The following STAG1 variants were observed in gnomAD, a reference collection of about 807,000 sequenced individuals.
STAG1 encodes the protein cohesin subunit SA-1.
Under a neutral mutation model 170.9 loss-of-function variants are expected in STAG1, and 26 were observed. That is an observed-to-expected ratio of 0.15 (90% confidence interval 0.11 to 0.21). The LOEUF is 0.21. Among genes scored for constraint, STAG1 ranks in the 10% least tolerant of loss-of-function variants. The probability of loss-of-function intolerance (pLI) is 1.00; values close to 1 mark genes in which losing one functional copy is unlikely to be tolerated. For synonymous variants in STAG1, 514 were observed against 497.7 expected (o/e 1.03, Z -0.44); for missense variants, 964 against 1,509.5 (o/e 0.64, Z 5.99).
At chr3:136,478,317 TCACCA>T (rs2107823644) in intron 9 of STAG1, among the ~76,000 whole-genome samples, 1 of 152,328 alleles carries the variant, frequency 6.6e-6, no homozygotes, top group South Asian at 2.1e-4. Flanking sequence ...GCTTTTCACC[TCACCA>T]TAAGTAAGCA....
chr3:136,636,433 A>C (rs1477579695), intron 1 of STAG1, among the ~76,000 whole-genome samples: 3 of 152,206 alleles, frequency 2.0e-5, no homozygotes, highest in African/African-American at 7.2e-5. Flanking sequence ...TCTACATAGA[A>C]GAGATAGACT....
At chr3:136,748,314 T>TC (rs1935054763) in intron 1 of STAG1, among the ~76,000 whole-genome samples, 1 of 151,944 alleles carries the variant, frequency 6.6e-6, no homozygotes, top group Non-Finnish European at 1.5e-5. Flanking sequence ...GGCACGCGAA[T>TC]CGCCTGAACC....
chr3:136,363,830 C>G (rs1936972558), intron 25 of STAG1, among the ~76,000 whole-genome samples: 1 of 152,190 alleles, frequency 6.6e-6, no homozygotes, highest in African/African-American at 2.4e-5. Flanking sequence ...TCGTAGCTCA[C>G]TGCAGCCTTC....
intron 14 of STAG1, among the ~76,000 whole-genome samples, chr3:136,449,900 CTTTTT>C (rs34077581): frequency 4.0e-5 from 5 of 126,562 alleles, no homozygotes; most frequent in Non-Finnish European, 5.0e-5. Flanking sequence ...ACTATTGTTG[CTTTTT>C]TTTTTTTTTT....
At chr3:136,358,088 A>ATTT (rs68065485) in intron 27 of STAG1, among the ~76,000 whole-genome samples, 1 of 140,690 alleles carries the variant, frequency 7.1e-6, no homozygotes. Context: ...CTAAATTCGT[A>ATTT]TTTTTTTTTT....
chr3:136,529,474 G>A (rs1935256387), intron 6 of STAG1, among the ~76,000 whole-genome samples: 1 of 152,026 alleles, frequency 6.6e-6, no homozygotes, highest in Non-Finnish European at 1.5e-5. Context: ...AGAATGGAAG[G>A]ACATATTCAC....
chr3:136,550,156 G>A (rs1026026070), intron 5 of STAG1, among the ~76,000 whole-genome samples: 11 of 152,172 alleles, frequency 7.2e-5, no homozygotes, highest in African/African-American at 2.4e-4. Flanking sequence ...CATAAAATGG[G>A]TTTACAAGTG....
intron 1 of STAG1, among the ~76,000 whole-genome samples, chr3:136,644,303 G>C (rs558772758): frequency 6.6e-6 from 1 of 152,270 alleles, no homozygotes; most frequent in Admixed American, 6.5e-5. Context: ...TGTAAAATTA[G>C]GGGAAGAACA....
intron 13 of STAG1, among the ~76,000 whole-genome samples, chr3:136,457,291 T>A (rs1356292685): frequency 2.0e-5 from 3 of 152,146 alleles, no homozygotes; most frequent in Admixed American, 1.3e-4. Context: ...CGCAGACTTG[T>A]TGGTTGCTCT....
chr3:136,645,493 C>A (rs568659935), intron 1 of STAG1, among the ~76,000 whole-genome samples: 1 of 152,224 alleles, frequency 6.6e-6, no homozygotes, highest in Non-Finnish European at 1.5e-5. Flanking sequence ...TTCTTCCATA[C>A]CTCTAGATCT....
chr3:136,421,955 C>T (rs1361201936), intron 19 of STAG1, among the ~76,000 whole-genome samples: 1 of 151,786 alleles, frequency 6.6e-6, no homozygotes, highest in Non-Finnish European at 1.5e-5. Flanking sequence ...GTTCACCAGC[C>T]TGGTCAATAT....
intron 1 of STAG1, among the ~76,000 whole-genome samples, chr3:136,703,265 T>C (rs893253755): frequency 6.6e-6 from 1 of 152,060 alleles, no homozygotes; most frequent in African/African-American, 2.4e-5. Flanking sequence ...AGAAAGTCAT[T>C]GGTTAACACT....
chr3:136,460,312 T>C (rs978524214), intron 13 of STAG1, among the ~76,000 whole-genome samples: 9 of 151,900 alleles, frequency 5.9e-5, no homozygotes, highest in Admixed American at 3.9e-4. Flanking sequence ...CATAAAGAAA[T>C]AGAAAACTGC....
At chr3:136,684,557 C>A (rs993871086) in intron 1 of STAG1, among the ~76,000 whole-genome samples, 8 of 152,066 alleles carry the variant, frequency 5.3e-5, no homozygotes, top group African/African-American at 1.9e-4. Context: ...CGAGACCAGC[C>A]TGGTCAACAT....
chr3:136,679,728 TAAAAA>T (rs61069088), intron 1 of STAG1, among the ~76,000 whole-genome samples: 27 of 117,686 alleles, frequency 2.3e-4, no homozygotes, highest in African/African-American at 4.4e-4. Context: ...GACTCCGTCT[TAAAAA>T]AAAAAAAAAA....
chr3:136,736,815 G>C (rs1411266357), intron 1 of STAG1: 4 of 1,584,068 alleles, frequency 2.5e-6, no homozygotes, highest in Non-Finnish European at 2.6e-6. Flanking sequence ...ACAATTGTAG[G>C]TTTTCCTTCC....
At chr3:136,688,997 T>A (rs945026462) in intron 1 of STAG1, among the ~76,000 whole-genome samples, 1 of 152,150 alleles carries the variant, frequency 6.6e-6, no homozygotes, top group Non-Finnish European at 1.5e-5. Flanking sequence ...ACAATGAAAA[T>A]CCTGTAAAAT....
intron 26 of STAG1, among the ~76,000 whole-genome samples, chr3:136,361,002 C>G (rs1266946924): frequency 6.6e-6 from 1 of 152,072 alleles, no homozygotes; most frequent in Non-Finnish European, 1.5e-5. Flanking sequence ...TATACAATAG[C>G]CTTAAACTTT....
chr3:136,647,603 A>T (rs1941078166), intron 1 of STAG1, among the ~76,000 whole-genome samples: 1 of 152,148 alleles, frequency 6.6e-6, no homozygotes, highest in African/African-American at 2.4e-5. Flanking sequence ...CTTCAAAAAA[A>T]AAAATAAGGA....
Sources: allele counts gnomAD v4.1 joint callset (sites outside exome capture counted in the v4.1 genomes callset), GRCh38; gene constraint gnomAD v4.1.1; transcripts MANE v1.5; gene names NCBI Gene and HGNC (gene_info 2026-07-23, HGNC 2026-07-21).